Variants in LDLRAD4 observed in about 807,000 individuals in gnomAD.
LDLRAD4 encodes the protein low density lipoprotein receptor class A domain containing 4, also known as low-density lipoprotein receptor class A domain-containing protein 4.
LDLRAD4 carries 5 observed loss-of-function variants against 17.0 expected under a neutral mutation model. The observed-to-expected ratio is 0.29, with a 90% confidence interval of 0.15 to 0.62. LDLRAD4 has a LOEUF of 0.62. Among genes scored for constraint, LDLRAD4 ranks in the 20% least tolerant of loss-of-function variants. The probability of loss-of-function intolerance (pLI) is 0.84; values close to 1 mark genes in which losing one functional copy is unlikely to be tolerated. For synonymous variants in LDLRAD4, 168 were observed against 171.8 expected (o/e 0.98, Z 0.17); for missense variants, 340 against 424.7 (o/e 0.80, Z 1.75).
chr18:13,541,919 CA>C (rs543575649), intron 3 of LDLRAD4, among the ~76,000 whole-genome samples: 277 of 152,058 alleles, frequency 1.8e-3, no homozygotes, highest in African/African-American at 6.1e-3. Context: ...AAATATAGCC[CA>C]AAAAAATTAG....
intron 4 of LDLRAD4, among the ~76,000 whole-genome samples, chr18:13,639,476 G>A (rs1177226204): frequency 6.6e-6 from 1 of 152,250 alleles, no homozygotes; most frequent in Non-Finnish European, 1.5e-5. Context: ...GCTAAGGACG[G>A]TGACCTTGCC....
intron 1 of LDLRAD4, among the ~76,000 whole-genome samples, chr18:13,338,022 A>G (rs74863713): frequency 0.012 from 1,803 of 152,222 alleles, 38 homozygotes; most frequent in African/African-American, 0.041. Flanking sequence ...GTTACAGAAA[A>G]TTTTTGTGCC....
In LDLRAD4 at chr18:13,645,239, T is replaced by C; in HGVS notation, c.503T>C (p.Leu168Pro). 3 of 1,614,118 alleles carry C rather than the reference T, an allele frequency of 1.9e-6. No individual in the cohort carries two copies. The highest frequency in any genetic ancestry group is 2.5e-6 in the Non-Finnish European group (3 of 1,180,008). The change falls in exon 6 of 6, where the codon CTT (leucine) becomes CCT (proline). Residue 168 changes from leucine to proline, a missense_variant. Coordinates refer to ENST00000359446, the Ensembl canonical transcript of LDLRAD4. The surrounding 1 kb of genome is among the most constrained non-coding windows in gnomAD (Gnocchi z 5.7). ...CCCTATGTGCAGCACGAGATTGATC[T>C]TCCTCCCACCATCTCCCTGTCCGAC...
chr18:13,575,940 A>C (rs990692277), intron 3 of LDLRAD4, among the ~76,000 whole-genome samples: 2 of 152,046 alleles, frequency 1.3e-5, no homozygotes, highest in African/African-American at 4.8e-5. Context: ...TTTTCTTGCT[A>C]ATTTGTTTGA....
At position 13,309,055 on chromosome 18, in the gene LDLRAD4, G is replaced by T. The variant is rs146862342; in HGVS notation, c.-383+30867G>T. Among the ~76,000 whole-genome samples the T allele has an allele frequency of 1.3e-3, 198 of 152,208 alleles. 1 individual carries two copies. In the East Asian group the frequency reaches 0.026, roughly 20 times the overall value. ...GATATTCTTACTACATTTTTCCATTGCCCATAGCTGGAAGGAGATTGTAAT... is the reference window on the plus strand; with the variant it reads ...GATATTCTTACTACATTTTTCCATTTCCCATAGCTGGAAGGAGATTGTAAT... On this transcript the variant is annotated intron_variant, in intron 1 of 5. Coordinates refer to ENST00000359446, the Ensembl canonical transcript of LDLRAD4.
intron 1 of LDLRAD4, among the ~76,000 whole-genome samples, chr18:13,301,770 A>G (rs1357064657): frequency 6.6e-6 from 1 of 152,182 alleles, no homozygotes; most frequent in Non-Finnish European, 1.5e-5. Flanking sequence ...GGAGTAAGTG[A>G]TGGATGGCCT....
At chr18:13,647,242 T>C (rs888397249) in exon 6 of LDLRAD4, 2 of 152,176 alleles carry the variant, frequency 1.3e-5, no homozygotes, top group Non-Finnish European at 2.9e-5. Flanking sequence ...ATTCCTGATA[T>C]TTACAAATAT....
intron 3 of LDLRAD4, among the ~76,000 whole-genome samples, chr18:13,551,441 G>A (rs1269342994): frequency 6.6e-6 from 1 of 152,212 alleles, no homozygotes; most frequent in Admixed American, 6.5e-5. Flanking sequence ...AGTGAATCCT[G>A]CCAGGCTGCC....
chr18:13,266,651 C>T (rs193262626), intron 1 of LDLRAD4, among the ~76,000 whole-genome samples: 31 of 152,402 alleles, frequency 2.0e-4, no homozygotes, highest in African/African-American at 7.0e-4. Context: ...AGGGCCTCCA[C>T]GCTCAGGCGC....
At chr18:13,449,599 C>T (rs2091657583) in intron 3 of LDLRAD4, among the ~76,000 whole-genome samples, 1 of 152,242 alleles carries the variant, frequency 6.6e-6, no homozygotes, top group South Asian at 2.1e-4. Flanking sequence ...TGCACCTGTT[C>T]CGGAGAGGGC....
At chr18:13,238,547 G>C (rs1456118845) in intron 1 of LDLRAD4, among the ~76,000 whole-genome samples, 1 of 152,230 alleles carries the variant, frequency 6.6e-6, no homozygotes, top group Non-Finnish European at 1.5e-5. Context: ...TTGGAGAGCA[G>C]GTGGGAGAAC....
At chr18:13,503,907 A>G (rs767255921) in intron 3 of LDLRAD4, among the ~76,000 whole-genome samples, 1 of 152,218 alleles carries the variant, frequency 6.6e-6, no homozygotes, top group Non-Finnish European at 1.5e-5. Context: ...GATATACTAT[A>G]TTTAAAGATT....
chr18:13,535,038 T>C (rs2094183286), intron 3 of LDLRAD4, among the ~76,000 whole-genome samples: 1 of 152,258 alleles, frequency 6.6e-6, no homozygotes, highest in African/African-American at 2.4e-5. Flanking sequence ...AGTAGTGTTC[T>C]ATGGTGTGGA....
At chr18:13,525,768 G>C (rs1190036627) in intron 3 of LDLRAD4, among the ~76,000 whole-genome samples, 1 of 152,180 alleles carries the variant, frequency 6.6e-6, no homozygotes, top group African/African-American at 2.4e-5. Flanking sequence ...GAAAACTAAA[G>C]CCCTTACTTA....
At chr18:13,340,275 G>A (rs1235885660) in intron 1 of LDLRAD4, among the ~76,000 whole-genome samples, 1 of 152,080 alleles carries the variant, frequency 6.6e-6, no homozygotes, top group African/African-American at 2.4e-5. Flanking sequence ...GTTCTTTTGA[G>A]GATAGCTCCA....
At chr18:13,270,756 G>A (rs1192799894) in intron 1 of LDLRAD4, among the ~76,000 whole-genome samples, 1 of 152,160 alleles carries the variant, frequency 6.6e-6, no homozygotes, top group Non-Finnish European at 1.5e-5. Context: ...CTGCAGGAGC[G>A]GAGACCACAG....
chr18:13,617,000 G>A (rs1050484960), intron 3 of LDLRAD4, among the ~76,000 whole-genome samples: 1 of 152,344 alleles, frequency 6.6e-6, no homozygotes, highest in Admixed American at 6.5e-5. Context: ...GGAGCCTCAG[G>A]GCAACAGCAT....
intron 3 of LDLRAD4, among the ~76,000 whole-genome samples, chr18:13,501,990 A>G (rs372535875): frequency 6.6e-6 from 1 of 152,264 alleles, no homozygotes; most frequent in Non-Finnish European, 1.5e-5. Context: ...TGGTGCCTAC[A>G]CAGCTGAGAA....
chr18:13,452,343 C>T lies in LDLRAD4; in HGVS notation c.181+13959C>T, dbSNP rs754604718. Among the ~76,000 whole-genome samples, 7 of 151,902 alleles carry T rather than the reference C, an allele frequency of 4.6e-5. No homozygotes were observed. In the South Asian group the frequency reaches 6.3e-4, roughly 14 times the overall value. Reference sequence around the variant, plus strand: ...TCCTTGCAGCGCTTGGAGGATGCAGCGGGTGCAGACTGGGTGCCGTGGAGG... The same window carrying T: ...TCCTTGCAGCGCTTGGAGGATGCAGTGGGTGCAGACTGGGTGCCGTGGAGG... On this transcript the variant is annotated intron_variant, in intron 3 of 5. Transcript: ENST00000359446.
Sources: gnomAD v4.1 joint callset for allele counts (sites outside exome capture counted in the v4.1 genomes callset) on GRCh38, gnomAD v4.1.1 for gene constraint, Gnocchi (gnomAD v3.1) non-coding constraint, MANE v1.5 for transcripts, NCBI Gene and HGNC (gene_info 2026-07-23, HGNC 2026-07-21) for gene names.